UQCRH: variants seen among roughly 807,000 people sequenced by gnomAD.
UQCRH encodes the protein ubiquinol-cytochrome c reductase hinge protein.
In UQCRH, 14 loss-of-function variants were observed where a neutral mutation model predicts 16.3. That is an observed-to-expected ratio of 0.86 (90% confidence interval 0.57 to 1.34). The LOEUF (loss-of-function observed/expected upper bound fraction) is 1.34, where lower values mean the gene tolerates loss of function less well. Ranked by LOEUF, UQCRH falls within the 40% of genes most tolerant of loss-of-function variation. UQCRH has a pLI of 0.00. For synonymous variants in UQCRH, 41 were observed against 41.9 expected (o/e 0.98, Z 0.08); for missense variants, 89 against 111.9 (o/e 0.80, Z 0.92).
intron 3 of UQCRH, among the ~76,000 whole-genome samples, chr1:46,314,100 G>A (rs554189680): frequency 3.3e-5 from 5 of 152,118 alleles, no homozygotes; most frequent in South Asian, 2.1e-4. Context: ...GCCGGGGCAC[G>A]GTGGCTCATG....
chr1:46,309,918 C>A, intron 2 of UQCRH: 10 of 1,423,684 alleles, frequency 7.0e-6, no homozygotes, highest in Non-Finnish European at 9.1e-6. Flanking sequence ...GCTTTCAGTG[C>A]ATACTGGCAA....
rs72883430 is a variant in UQCRH at position 46,308,332 on chromosome 1, G to A, written c.55-769G>A. Among the ~76,000 whole-genome samples, 1,091 of 152,290 alleles carry A rather than the reference G, an allele frequency of 7.2e-3. 17 individuals are homozygous for A. The highest frequency in any genetic ancestry group is 0.034 in the Middle Eastern group (10 of 294). ...TGTCTGAGCTCGTCAGGAGGCAGAAGGTATGAGGGGAAGGAAGCATGGCTC... is the reference window on the plus strand; with the variant it reads ...TGTCTGAGCTCGTCAGGAGGCAGAAAGTATGAGGGGAAGGAAGCATGGCTC... On this transcript the variant is annotated intron_variant, in intron 1 of 3. Coordinates refer to ENST00000311672, the MANE Select transcript of UQCRH (RefSeq NM_006004.4).
chr1:46,310,316 C>T lies in UQCRH; in HGVS notation c.243C>T (p.Cys81=), dbSNP rs769377443. Reference sequence around the variant, plus strand: ...ACTTCTTGCATGCGAGGGACCATTGCGTAAGTCAGTGGGAAGTCAGGAAGG... The same window carrying T: ...ACTTCTTGCATGCGAGGGACCATTGTGTAAGTCAGTGGGAAGTCAGGAAGG... The part of the protein sequence containing the change: ...LFDFLHARDH[C]VAHKLFNNLK The change falls in exon 3 of 4, where the codon TGC becomes TGT. Residue 81 remains cysteine, a splice_region_variant and synonymous_variant. Transcript: ENST00000311672. 14 of 1,613,846 alleles carry T rather than the reference C, an allele frequency of 8.7e-6. No homozygotes were observed. Among genetic ancestry groups the T allele is most frequent in the Middle Eastern group, 3.3e-4 (2 of 6,084 alleles).
At chr1:46,306,204 A>G (rs924693802) in intron 1 of UQCRH, among the ~76,000 whole-genome samples, 4 of 152,086 alleles carry the variant, frequency 2.6e-5, no homozygotes, top group African/African-American at 4.8e-5. Context: ...ATTTGGATTT[A>G]TTTTTTCAAA....
intron 3 of UQCRH, among the ~76,000 whole-genome samples, chr1:46,314,111 C>T (rs1164262752): frequency 3.9e-5 from 6 of 152,020 alleles, no homozygotes; most frequent in African/African-American, 1.4e-4. Flanking sequence ...GTGGCTCATG[C>T]CTGTAATCCC....
intron 3 of UQCRH, among the ~76,000 whole-genome samples, chr1:46,313,638 TAGAC>T (rs1176171609): frequency 1.7e-3 from 229 of 138,046 alleles, no homozygotes; most frequent in East Asian, 0.012. Flanking sequence ...CAAAAAAATA[TAGAC>T]AGATAGATAG....
chr1:46,308,363 C>G (rs1437968112), intron 1 of UQCRH, among the ~76,000 whole-genome samples: 1 of 152,160 alleles, frequency 6.6e-6, no homozygotes, highest in African/African-American at 2.4e-5. Flanking sequence ...GGCTCAGCAC[C>G]TTGGTTTCTA....
Position 46,315,591 on chromosome 1 carries a change from C to CA in UQCRH, c.244-941dup, listed in dbSNP as rs35586591. 8.1e-3 allele frequency among the ~76,000 whole-genome samples: 681 copies of CA among 84,420 alleles called. 10 individuals are homozygous for CA. The highest frequency in any genetic ancestry group is 0.016 in the African/African-American group (362 of 22,048). 55.4% of individuals were successfully genotyped at this position (84,420 alleles called of 152,430 possible). A position where few individuals can be genotyped will look rare whatever the true frequency, so the allele number is the denominator to read the frequency against. The stretch of plus-strand genomic sequence containing the variant: ...CCTGGGGGACAGAGCAAGACTGCCT[C>CA]AAAAAAAAAAAAAAAAAAAAGATTA... On this transcript the variant is annotated intron_variant, in intron 3 of 3. Transcript: ENST00000311672.
At chr1:46,312,035 CCTT>C (rs758778885) in intron 3 of UQCRH, among the ~76,000 whole-genome samples, 21 of 150,858 alleles carry the variant, frequency 1.4e-4, no homozygotes, top group Non-Finnish European at 2.9e-4. Flanking sequence ...TTCAAACAAT[CCTT>C]CTGCCTTAGC....
At chr1:46,313,960 T>A (rs1049325227) in intron 3 of UQCRH, among the ~76,000 whole-genome samples, 1 of 152,218 alleles carries the variant, frequency 6.6e-6, no homozygotes, top group Non-Finnish European at 1.5e-5. Flanking sequence ...TAAACAGATA[T>A]TTCCACATTC....
intron 3 of UQCRH, among the ~76,000 whole-genome samples, chr1:46,316,071 C>T (rs1039035571): frequency 6.6e-6 from 1 of 152,126 alleles, no homozygotes; most frequent in East Asian, 1.9e-4. Context: ...CGCCCCGCCT[C>T]CCATTTATTT....
At chr1:46,313,885 T>G (rs1433152025) in intron 3 of UQCRH, among the ~76,000 whole-genome samples, 1 of 151,610 alleles carries the variant, frequency 6.6e-6, no homozygotes, top group East Asian at 1.9e-4. Context: ...AAACATAGAA[T>G]TATGTACTAT....
chr1:46,310,010 C>T lies in UQCRH; in HGVS notation c.82-145C>T, dbSNP rs575817000. 253 of 1,501,942 alleles carry T rather than the reference C, an allele frequency of 1.7e-4. 1 individual carries two copies. The highest frequency in any genetic ancestry group is 1.2e-4 in the East Asian group (5 of 40,730). The allele number at this position is 1,501,942 out of a possible 1,614,324, so 93.0% of individuals were successfully genotyped here. A position where few individuals can be genotyped will look rare whatever the true frequency, so the allele number is the denominator to read the frequency against. Reference sequence around the variant, plus strand: ...GGAGACCGCATTCTGCCATTTCTGGCGGCAGTGTGGCTCTGCCAGCTGGCC... The same window carrying T: ...GGAGACCGCATTCTGCCATTTCTGGTGGCAGTGTGGCTCTGCCAGCTGGCC... On this transcript the variant is annotated intron_variant, in intron 2 of 3. Transcript: ENST00000311672.
At position 46,308,577 on chromosome 1, in the gene UQCRH, C is replaced by A. The variant is rs77364738; in HGVS notation, c.55-524C>A. ...CAGGGCCAGGCTGAGTGGCTAATGCCTATAATCCCACCACTTTGGGAGGCC... is the reference window on the plus strand; with the variant it reads ...CAGGGCCAGGCTGAGTGGCTAATGCATATAATCCCACCACTTTGGGAGGCC... On this transcript the variant is annotated intron_variant, in intron 1 of 3. Transcript: ENST00000311672. Among the ~76,000 whole-genome samples the A allele has an allele frequency of 5.5e-4, 84 of 152,302 alleles. 1 individual carries two copies. In the East Asian group the frequency reaches 0.014, roughly 25 times the overall value.
At chr1:46,306,830 C>T (rs973554072) in intron 1 of UQCRH, among the ~76,000 whole-genome samples, 45 of 152,322 alleles carry the variant, frequency 3.0e-4, no homozygotes, top group Admixed American at 7.2e-4. Flanking sequence ...CCCTCACTCC[C>T]AGCTTGTATG....
intron 3 of UQCRH, 47 bp from the exon 4 acceptor site, chr1:46,316,505 A>G: frequency 6.2e-7 from 1 of 1,613,086 alleles, no homozygotes; most frequent in African/African-American, 1.3e-5. Context: ...GTAAGCCATG[A>G]CATTAAAGCT....
At chr1:46,307,419 C>G (rs1352419586) in intron 1 of UQCRH, among the ~76,000 whole-genome samples, 2 of 152,142 alleles carry the variant, frequency 1.3e-5, no homozygotes, top group Non-Finnish European at 2.9e-5. Flanking sequence ...TCACCTGGCC[C>G]TGTATTGGAG....
At chr1:46,311,623 T>C (rs565585768) in intron 3 of UQCRH, among the ~76,000 whole-genome samples, 2 of 151,456 alleles carry the variant, frequency 1.3e-5, no homozygotes, top group Non-Finnish European at 2.9e-5. Flanking sequence ...GACGGAGTCT[T>C]GGTCTGTCGC....
chr1:46,314,298 G>A (rs1262538908), intron 3 of UQCRH, among the ~76,000 whole-genome samples: 3 of 150,832 alleles, frequency 2.0e-5, no homozygotes, highest in Non-Finnish European at 4.4e-5. Context: ...CCCGGGAGGC[G>A]GAGCTTGCAG....
Sources: allele counts gnomAD v4.1 joint callset (sites outside exome capture counted in the v4.1 genomes callset), GRCh38; gene constraint gnomAD v4.1.1; transcripts MANE v1.5; gene names NCBI Gene and HGNC (gene_info 2026-07-23, HGNC 2026-07-21).